The following ZMAT4 variants were observed in gnomAD, a reference collection of about 807,000 sequenced individuals.
ZMAT4 encodes the protein zinc finger matrin-type 4, also known as zinc finger matrin-type protein 4.
Under a neutral mutation model 28.7 loss-of-function variants are expected in ZMAT4, and 17 were observed. That is an observed-to-expected ratio of 0.59 (90% confidence interval 0.41 to 0.89). The LOEUF (loss-of-function observed/expected upper bound fraction) is 0.89. Among genes scored for constraint, ZMAT4 ranks in the 40% least tolerant of loss-of-function variants. The pLI, the probability that ZMAT4 is intolerant of heterozygous loss-of-function variation, is 0.00. For missense variants in ZMAT4, 240 were observed against 283.8 expected (o/e 0.85, Z 1.11); for synonymous variants, 117 against 109.2 (o/e 1.07, Z -0.44).
intron 5 of ZMAT4, among the ~76,000 whole-genome samples, chr8:40,618,669 AAAAAG>A (rs1386180530): frequency 4.6e-5 from 7 of 151,818 alleles, no homozygotes; most frequent in African/African-American, 1.4e-4. Context: ...GAAAAAAAAA[AAAAAG>A]AAATGACTGG....
At chr8:40,539,554 T>C (rs569379934) in intron 6 of ZMAT4, among the ~76,000 whole-genome samples, 25 of 152,228 alleles carry the variant, frequency 1.6e-4, no homozygotes, top group Non-Finnish European at 2.4e-4. Flanking sequence ...TTCATGTACA[T>C]GGTTATTAAT....
chr8:40,754,195 A>G (rs754299744), intron 3 of ZMAT4, among the ~76,000 whole-genome samples: 12 of 152,116 alleles, frequency 7.9e-5, no homozygotes, highest in Admixed American at 6.5e-5. Flanking sequence ...AAAAAGGTTT[A>G]ACAAATGGCA....
intron 4 of ZMAT4, 73 bp downstream of exon 4, chr8:40,697,172 A>G (rs545750367): frequency 1.4e-6 from 2 of 1,458,360 alleles, no homozygotes; most frequent in South Asian, 1.5e-5. Context: ...CGTCTGAAGG[A>G]GGAGCATGAT....
intron 5 of ZMAT4, among the ~76,000 whole-genome samples, chr8:40,670,331 T>C (rs1039253987): frequency 1.3e-5 from 2 of 152,176 alleles, no homozygotes; most frequent in Non-Finnish European, 2.9e-5. Flanking sequence ...ACTGTGTAAA[T>C]ATATAAAAAT....
intron 3 of ZMAT4, among the ~76,000 whole-genome samples, chr8:40,716,755 C>G (rs1810873046): frequency 6.6e-6 from 1 of 152,146 alleles, no homozygotes. Flanking sequence ...CGCCCTCTAG[C>G]AGGAGATCTT....
chr8:40,707,305 C>T (rs1240629090), intron 3 of ZMAT4, among the ~76,000 whole-genome samples: 1 of 146,078 alleles, frequency 6.8e-6, no homozygotes, highest in Non-Finnish European at 1.5e-5. Flanking sequence ...GAAAAGGTGT[C>T]ATCTCTAACC....
chr8:40,786,540 G>A, intron 2 of ZMAT4: 2 of 421,432 alleles, frequency 4.7e-6, no homozygotes, highest in Non-Finnish European at 8.3e-6. Context: ...AATCTGGAAT[G>A]TGAAGTATTT....
At chr8:40,576,741 T>C (rs1353201170) in intron 6 of ZMAT4, among the ~76,000 whole-genome samples, 1 of 152,038 alleles carries the variant, frequency 6.6e-6, no homozygotes, top group Non-Finnish European at 1.5e-5. Flanking sequence ...GTGGGACAGA[T>C]AAACAAAAGA....
chr8:40,578,059 G>GTT (rs1462155089), intron 6 of ZMAT4, among the ~76,000 whole-genome samples: 2 of 151,758 alleles, frequency 1.3e-5, no homozygotes, highest in Admixed American at 1.3e-4. Context: ...AACGCAAAGA[G>GTT]GAAAGAACAG....
chr8:40,883,194 T>C (rs1818340499), intron 1 of ZMAT4, among the ~76,000 whole-genome samples: 1 of 152,168 alleles, frequency 6.6e-6, no homozygotes, highest in South Asian at 2.1e-4. Flanking sequence ...CCACCCTCAG[T>C]CCTGGGCAGA....
intron 2 of ZMAT4, among the ~76,000 whole-genome samples, chr8:40,809,645 T>C (rs1815241338): frequency 1.3e-5 from 2 of 152,368 alleles, no homozygotes; most frequent in East Asian, 1.9e-4. Flanking sequence ...TCATGGTTTA[T>C]ATGTTTATTA....
At chr8:40,792,711 G>GAT (rs1476222351) in intron 2 of ZMAT4, among the ~76,000 whole-genome samples, 1 of 55,188 alleles carries the variant, frequency 1.8e-5, no homozygotes, top group Non-Finnish European at 3.7e-5. Context: ...GGGGAGGGGA[G>GAT]GAGGTGGGGA....
At chr8:40,866,104 C>A (rs933855445) in intron 1 of ZMAT4, among the ~76,000 whole-genome samples, 5 of 152,174 alleles carry the variant, frequency 3.3e-5, no homozygotes, top group African/African-American at 7.2e-5. Context: ...TATCACCAAC[C>A]CTGACCTTCA....
rs1813154449 is a variant in ZMAT4 at position 40,766,249 on chromosome 8, AC to A, written c.192+1391del. Among the ~76,000 whole-genome samples, 3 of 152,004 alleles carry A rather than the reference AC, an allele frequency of 2.0e-5. No individual in the cohort carries two copies. In the East Asian group the frequency reaches 5.8e-4, roughly 29 times the overall value. ...ACACTTATGCTGTGATATTATAGCT[AC>A]TCTTTATACAATGTCAATCTCCCAT... On this transcript the variant is annotated intron_variant, in intron 3 of 6. Transcript: ENST00000297737.
At position 40,880,213 on chromosome 8, in the gene ZMAT4, C is replaced by CA. The variant is rs1818173309; in HGVS notation, c.-5+17469dup. The stretch of plus-strand genomic sequence containing the variant: ...TGAAACCCCATTTCTACTAAAAATA[C>CA]AAAAAATTAGCCGAGCGTCGTGGCA... On this transcript the variant is annotated intron_variant, in intron 1 of 6. Coordinates refer to ENST00000297737, the MANE Select transcript of ZMAT4 (RefSeq NM_024645.3). Among the ~76,000 whole-genome samples, 3 of 152,084 alleles carry CA rather than the reference C, an allele frequency of 2.0e-5. No individual in the cohort carries two copies. The South Asian group carries it at 6.2e-4, about 32-fold the overall frequency.
chr8:40,716,183 C>A (rs1446036675), intron 3 of ZMAT4, among the ~76,000 whole-genome samples: 1 of 152,202 alleles, frequency 6.6e-6, no homozygotes, highest in East Asian at 1.9e-4. Context: ...AAAAGAAAGT[C>A]TGGATTCTCA....
At chr8:40,875,250 A>T (rs1288619908) in intron 1 of ZMAT4, among the ~76,000 whole-genome samples, 1 of 152,134 alleles carries the variant, frequency 6.6e-6, no homozygotes, top group Admixed American at 6.5e-5. Context: ...CATAGTACAC[A>T]TACAAACTCT....
intron 2 of ZMAT4, among the ~76,000 whole-genome samples, chr8:40,779,554 T>G (rs1365575964): frequency 6.6e-6 from 1 of 152,136 alleles, no homozygotes; most frequent in African/African-American, 2.4e-5. Flanking sequence ...TTCCTTTCCA[T>G]TCTCTCTCAG....
chr8:40,756,258 T>G (rs1208041642), intron 3 of ZMAT4, among the ~76,000 whole-genome samples: 1 of 151,792 alleles, frequency 6.6e-6, no homozygotes, highest in Admixed American at 6.6e-5. Flanking sequence ...CTGTGTTCCA[T>G]TCTGCCACCA....
Sources: allele counts gnomAD v4.1 joint callset (sites outside exome capture counted in the v4.1 genomes callset), GRCh38; gene constraint gnomAD v4.1.1; transcripts MANE v1.5; gene names NCBI Gene and HGNC (gene_info 2026-07-23, HGNC 2026-07-21).